PALB2: variants seen among roughly 807,000 people sequenced by gnomAD.
PALB2 encodes the protein mutant partner and localizer of BRCA2.
A neutral mutation model predicts 107.4 loss-of-function variants in PALB2; 82 were observed. The observed-to-expected ratio is 0.76, with a 90% CI of 0.64 to 0.92. The LOEUF (loss-of-function observed/expected upper bound fraction) is 0.92, where lower values mean the gene tolerates loss of function less well. PALB2 is among the 40% of genes least tolerant of loss of function. The pLI is 0.00. For synonymous variants in PALB2, 489 were observed against 496.8 expected (o/e 0.98, Z 0.21); for missense variants, 1,374 against 1,379.9 (o/e 1.00, Z 0.07).
intron 2 of PALB2, 32 bp from the exon 3 acceptor site, chr16:23,637,984 G>A (rs761155159): frequency 6.9e-6 from 11 of 1,605,128 alleles, no homozygotes; most frequent in Middle Eastern, 1.7e-4. Flanking sequence ...CCAGAAATAC[G>A]TTTTCTTTAA....
intron 12 of PALB2, among the ~76,000 whole-genome samples, chr16:23,606,821 CTTTTT>C (rs545664784): frequency 1.8e-5 from 2 of 108,588 alleles, no homozygotes; most frequent in Non-Finnish European, 3.5e-5. Context: ...CTGCACCCTG[CTTTTT>C]TTTTTTTTTT....
In PALB2 at chr16:23,623,046, T is replaced by C. The variant is rs876659945; in HGVS notation, c.2919A>G (p.Thr973=). The C allele has an allele frequency of 1.2e-6, 2 of 1,614,152 alleles. No homozygotes were observed. ...SGNIKAVLGL[T]KRRLVSSSGT... ...CACTGCTACTAACTAGCCTCCTCTT[T>C]GTCAGGCCAAGCACAGCTTTTATAT... The change falls in exon 9 of 13, where the codon ACA becomes ACG. Residue 973 remains threonine, a synonymous_variant. Transcript: ENST00000261584.
intron 11 of PALB2, among the ~76,000 whole-genome samples, chr16:23,611,126 A>G (rs1458670176): frequency 1.4e-5 from 2 of 142,124 alleles, no homozygotes; most frequent in African/African-American, 5.3e-5. Flanking sequence ...CTATCTATCA[A>G]TCTATCTATT....
At chr16:23,604,861 G>A (rs960773266) in intron 12 of PALB2, among the ~76,000 whole-genome samples, 3 of 152,066 alleles carry the variant, frequency 2.0e-5, no homozygotes, top group African/African-American at 7.2e-5. Flanking sequence ...ATCACCTGAG[G>A]TAAGGAGTTC....
intron 1 of PALB2, among the ~76,000 whole-genome samples, chr16:23,639,562 G>C (rs1162312714): frequency 2.8e-5 from 4 of 144,700 alleles, no homozygotes; most frequent in African/African-American, 7.7e-5. Context: ...GCTCACACCT[G>C]TAATCCCAGC....
intron 7 of PALB2, among the ~76,000 whole-genome samples, chr16:23,624,455 T>A (rs2142346063): frequency 6.6e-6 from 1 of 152,342 alleles, no homozygotes; most frequent in East Asian, 1.9e-4. Context: ...TGTTAGATGT[T>A]GTATATATTT....
chr16:23,630,521 C>T (rs1221707621), intron 4 of PALB2, 52 bp from the exon 5 acceptor site: 8 of 1,352,452 alleles, frequency 5.9e-6, no homozygotes, highest in Non-Finnish European at 8.3e-6. Context: ...ACAAAACAGA[C>T]AATCTGTTTC....
In PALB2 at chr16:23,637,950, A is replaced by G. The variant is rs1555462089; in HGVS notation, c.111T>C (p.Arg37=). 2 of 1,613,332 alleles carry G rather than the reference A, an allele frequency of 1.2e-6. No homozygotes were observed. Among genetic ancestry groups the G allele is most frequent in the Non-Finnish European group, 1.7e-6 (2 of 1,179,254 alleles). Residue 37 remains arginine, a splice_region_variant and synonymous_variant, in exon 3 of 13, where the codon CGT becomes CGC. Coordinates refer to ENST00000261584, the MANE Select transcript of PALB2 (RefSeq NM_024675.4). ...GCTTAATCTTTTCAGCTCTTTGGGC[A>G]CGCTAGAGGAGACAAAAACAGCCCC... is the stretch of plus-strand genomic sequence containing the variant. ...EYSKTLARLQ[R]AQRAEKIKHS... is the part of the protein sequence containing the mutation.
intron 1 of PALB2, among the ~76,000 whole-genome samples, chr16:23,639,806 CG>C (rs112724348): frequency 0.13 from 19,632 of 151,960 alleles, 1,435 homozygotes; most frequent in African/African-American, 0.19. Flanking sequence ...GGAGATAGAG[CG>C]GAGAGTCTGT....
At chr16:23,605,080 A>C (rs766949424) in intron 12 of PALB2, among the ~76,000 whole-genome samples, 19 of 152,178 alleles carry the variant, frequency 1.2e-4, no homozygotes, top group Non-Finnish European at 2.4e-4. Context: ...TCTCAAAAAA[A>C]AAATTAGCTA....
rs550575694 is a variant in PALB2 at position 23,609,048 on chromosome 16, G to A, written c.3202-1036C>T. Among the ~76,000 whole-genome samples the A allele has an allele frequency of 6.0e-4, 91 of 152,058 alleles. 1 individual carries two copies. The highest frequency in any genetic ancestry group is 2.1e-3 in the African/African-American group (87 of 41,468). ...TCACCACGTTGACCAGGATGGTCTCGATCTCCTGACCTTGTGATCCACCCA... is the reference window on the plus strand; with the variant it reads ...TCACCACGTTGACCAGGATGGTCTCAATCTCCTGACCTTGTGATCCACCCA... On this transcript the variant is annotated intron_variant, in intron 11 of 12. Transcript: ENST00000261584.
chr16:23,630,620 A>G, intron 4 of PALB2, 151 bp from the exon 5 acceptor site: 1 of 701,112 alleles, frequency 1.4e-6, no homozygotes, highest in South Asian at 1.9e-5. Context: ...AATGTTTACA[A>G]TGAAGTCCTA....
chr16:23,614,196 A>G (rs1443885439), intron 10 of PALB2, 105 bp from the exon 11 acceptor site: 1 of 791,198 alleles, frequency 1.3e-6, no homozygotes, highest in African/African-American at 1.7e-5. Flanking sequence ...TGACCAGGGA[A>G]AAAACTAAGA....
In PALB2 at chr16:23,630,050, T is replaced by C. The variant is rs587781888; in HGVS notation, c.2104A>G (p.Ile702Val). 2 of 1,614,140 alleles carry C rather than the reference T, an allele frequency of 1.2e-6. No homozygotes were observed. The highest frequency in any genetic ancestry group is 8.5e-7 in the Non-Finnish European group (1 of 1,180,022). ...QHTKTGLSSS[I>V]LLYTPLNTVA... is the part of the protein sequence containing the mutation. ...GTATTTAAAGGAGTATAAAGTAATA[T>C]GGATGAAGAAAGGCCCGTCTTTGTA... The change falls in exon 5 of 13, where the codon ATA becomes GTA. Residue 702 changes from isoleucine to valine, a missense_variant. Physicochemically the swap from Ile to Val is conservative, Grantham distance 29 (BLOSUM62 3). Coordinates refer to ENST00000261584, the MANE Select transcript of PALB2 (RefSeq NM_024675.4).
chr16:23,608,009 G>A lies in PALB2; in HGVS notation c.3205C>T (p.Leu1069Phe). The change falls in exon 12 of 13, where the codon CTT becomes TTT. Residue 1069 changes from leucine to phenylalanine, a missense_variant. Transcript: ENST00000261584. ...VCHKAYSEMG[L>F]LFIVLSHPCA... is the part of the protein sequence containing the mutation. Reference sequence around the variant, plus strand: ...GGATGACTCAGGACAATAAAGAGAAGCCCCTAATTTCGGAGAAAAATAAAT... The same window carrying A: ...GGATGACTCAGGACAATAAAGAGAAACCCCTAATTTCGGAGAAAAATAAAT... 6.2e-7 allele frequency: 1 copy of A among 1,613,604 alleles called. No individual in the cohort carries two copies.
chr16:23,627,905 G>A (rs1031678138), intron 6 of PALB2, among the ~76,000 whole-genome samples: 1 of 152,188 alleles, frequency 6.6e-6, no homozygotes, highest in African/African-American at 2.4e-5. Context: ...AAATATGAAT[G>A]AAATAGTTGA....
At chr16:23,610,777 C>T (rs367783391) in intron 11 of PALB2, among the ~76,000 whole-genome samples, 19 of 152,110 alleles carry the variant, frequency 1.2e-4, no homozygotes, top group African/African-American at 4.6e-4. Context: ...GTGGCTTACG[C>T]CTGTAATCCC....
At chr16:23,637,706 C>CA (rs1967094857) in intron 3 of PALB2, 144 bp downstream of exon 3, 2 of 702,752 alleles carry the variant, frequency 2.8e-6, no homozygotes, top group Admixed American at 2.6e-5. Flanking sequence ...GACTCTGTCT[C>CA]AAAAAAATAA....
intron 10 of PALB2, among the ~76,000 whole-genome samples, chr16:23,614,822 T>G (rs1291528593): frequency 1.3e-5 from 2 of 151,368 alleles, no homozygotes; most frequent in Non-Finnish European, 2.9e-5. Flanking sequence ...GGCTAATTTT[T>G]TGTATTTTTA....
Sources: allele counts gnomAD v4.1 joint callset (sites outside exome capture counted in the v4.1 genomes callset), GRCh38; gene constraint gnomAD v4.1.1; transcripts MANE v1.5; gene names NCBI Gene and HGNC (gene_info 2026-07-23, HGNC 2026-07-21).